ABI3BP: variants seen among roughly 807,000 people sequenced by gnomAD.
ABI3BP encodes the protein ABI family member 3 binding protein, also known as target of Nesh-SH3.
A neutral mutation model predicts 268.6 loss-of-function variants in ABI3BP; 216 were observed. The observed-to-expected ratio is 0.80, with a 90% CI of 0.72 to 0.90. ABI3BP has a LOEUF of 0.90. ABI3BP is among the 40% of genes least tolerant of loss of function. ABI3BP has a pLI of 0.00. For synonymous variants in ABI3BP, 730 were observed against 730.0 expected (o/e 1.00, Z 0.00); for missense variants, 2,090 against 2,182.4 (o/e 0.96, Z 0.84).
At chr3:100,772,133 T>G (rs1313180588) in intron 61 of ABI3BP, among the ~76,000 whole-genome samples, 1 of 152,160 alleles carries the variant, frequency 6.6e-6, no homozygotes, top group Non-Finnish European at 1.5e-5. Context: ...AAGACATCAT[T>G]TAGAATTTAA....
chr3:100,912,756 A>G (rs1319432382), intron 2 of ABI3BP, among the ~76,000 whole-genome samples: 1 of 152,178 alleles, frequency 6.6e-6, no homozygotes, highest in Non-Finnish European at 1.5e-5. Context: ...TATACCTGAA[A>G]AACACCCTTG....
chr3:100,849,291 C>A (rs191249570), intron 17 of ABI3BP, among the ~76,000 whole-genome samples: 7 of 147,516 alleles, frequency 4.7e-5, no homozygotes, highest in South Asian at 2.1e-4. Flanking sequence ...CGTGGCGCAA[C>A]CTTGGCTCAC....
intron 12 of ABI3BP, 40 bp downstream of exon 12, chr3:100,863,962 C>A: frequency 7.4e-7 from 1 of 1,350,776 alleles, no homozygotes; most frequent in Non-Finnish European, 1.0e-6. Context: ...CATACAATAT[C>A]CAAGGTAATA....
rs1261141913 is a variant in ABI3BP, at chr3:100,893,072, T to C, written c.461+5690A>G. On this transcript the variant is annotated intron_variant, in intron 4 of 67. Coordinates refer to ENST00000471714, the MANE Select transcript of ABI3BP (RefSeq NM_001375547.2). The stretch of plus-strand genomic sequence containing the variant: ...TAATCAGCTGACAGCATAGCTAGGA[T>C]AAAGCAGGCAAAAGAAGTTGGAAGG... Among the ~76,000 whole-genome samples the C allele has an allele frequency of 7.2e-5, 11 of 152,202 alleles. 1 individual carries two copies.
intron 2 of ABI3BP, among the ~76,000 whole-genome samples, chr3:100,920,650 T>G (rs1046687830): frequency 6.6e-6 from 1 of 152,160 alleles, no homozygotes; most frequent in Admixed American, 6.5e-5. Context: ...CTTGAACTCC[T>G]GACCTCGTGA....
rs113699720 is a variant in ABI3BP at position 100,771,057 on chromosome 3, G to A, written c.4532-105C>T. On this transcript the variant is annotated intron_variant, in intron 61 of 67. Coordinates refer to ENST00000471714, the MANE Select transcript of ABI3BP (RefSeq NM_001375547.2). ...GAGGACATTTGGTCTCATATTATAA[G>A]CGGATGGTTGAAAGCCATGATGTGG... 1.3e-5 allele frequency: 14 copies of A among 1,039,494 alleles called. 1 individual carries two copies. In the African/African-American group the frequency reaches 2.3e-4, roughly 17 times the overall value. The allele number at this position is 1,039,494 out of a possible 1,614,324, so 64.4% of individuals were successfully genotyped here. A position where few individuals can be genotyped will look rare whatever the true frequency, so the allele number is the denominator to read the frequency against.
intron 57 of ABI3BP, among the ~76,000 whole-genome samples, chr3:100,787,415 A>G (rs577533258): frequency 1.4e-4 from 21 of 152,154 alleles, no homozygotes; most frequent in Non-Finnish European, 2.6e-4. Flanking sequence ...TAGAAAAAGC[A>G]TTTTGAAATT....
chr3:100,871,503 G>A (rs562268053), intron 9 of ABI3BP, among the ~76,000 whole-genome samples: 11 of 152,258 alleles, frequency 7.2e-5, no homozygotes, highest in African/African-American at 2.4e-4. Flanking sequence ...GGGCCTGGTG[G>A]GAGGTGATTG....
chr3:100,838,643 C>T (rs2098643302), intron 24 of ABI3BP, among the ~76,000 whole-genome samples, 179 bp from the exon 25 acceptor site: 1 of 151,870 alleles, frequency 6.6e-6, no homozygotes, highest in South Asian at 2.1e-4. Context: ...TTAGTTTTTC[C>T]AGAAAGGAAA....
intron 56 of ABI3BP, among the ~76,000 whole-genome samples, chr3:100,788,896 A>G (rs1464019956): frequency 1.3e-5 from 2 of 152,126 alleles, no homozygotes; most frequent in African/African-American, 4.8e-5. Flanking sequence ...TACATGAACT[A>G]GATCAACCCC....
At chr3:100,950,416 T>C (rs2074428808) in intron 1 of ABI3BP, among the ~76,000 whole-genome samples, 1 of 152,126 alleles carries the variant, frequency 6.6e-6, no homozygotes, top group Non-Finnish European at 1.5e-5. Context: ...AAATTCTACA[T>C]AGAGGAGGGA....
In ABI3BP at chr3:100,749,837, C is replaced by G; in HGVS notation, c.*658G>C. On this transcript the variant is annotated 3_prime_UTR_variant, in exon 68 of 68. Coordinates refer to ENST00000471714, the MANE Select transcript of ABI3BP (RefSeq NM_001375547.2). Reference sequence around the variant, plus strand: ...TCTTTTGAAACAATATATTAGACTCCATTTTTAGCTGAAATGAAATTTACT... The same window carrying G: ...TCTTTTGAAACAATATATTAGACTCGATTTTTAGCTGAAATGAAATTTACT... 2.5e-6 allele frequency: 1 copy of G among 396,822 alleles called. No individual in the cohort carries two copies. Among genetic ancestry groups the G allele is most frequent in the East Asian group, 3.6e-5 (1 of 27,924 alleles). 24.6% of individuals were successfully genotyped at this position (396,822 alleles called of 1,614,324 possible). A position where few individuals can be genotyped will look rare whatever the true frequency, so the allele number is the denominator to read the frequency against.
At chr3:100,781,925 C>G (rs763131520) in intron 57 of ABI3BP, among the ~76,000 whole-genome samples, 7 of 152,188 alleles carry the variant, frequency 4.6e-5, no homozygotes, top group African/African-American at 9.7e-5. Flanking sequence ...GGTCTCACAG[C>G]TAGGAAGCAG....
In ABI3BP at chr3:100,862,326, G is replaced by C; in HGVS notation, c.1270C>G (p.Leu424Val). Residue 424 changes from leucine to valine, a missense_variant, in exon 14 of 68, where the codon CTG (leucine) becomes GTG (valine). Leu to Val is a conservative substitution (Grantham distance 32). Coordinates refer to ENST00000471714, the MANE Select transcript of ABI3BP (RefSeq NM_001375547.2). ...ATTTAATTACCAGTTTGAGGCTGCA[G>C]AACTTTGGAATCTTCAGATATTTTA... ...TAKISEDSKVLQPQTATYDVF... is the reference protein window; with the variant it reads ...TAKISEDSKVVQPQTATYDVF... 1 of 1,601,970 alleles carries C rather than the reference G, an allele frequency of 6.2e-7. No individual in the cohort carries two copies. Among genetic ancestry groups the C allele is most frequent in the Non-Finnish European group, 8.5e-7 (1 of 1,174,502 alleles).
At chr3:100,942,585 A>G (rs1364812280) in intron 1 of ABI3BP, among the ~76,000 whole-genome samples, 1 of 152,090 alleles carries the variant, frequency 6.6e-6, no homozygotes, top group Non-Finnish European at 1.5e-5. Context: ...ATGAAAATTC[A>G]TGGAGATGAT....
chr3:100,755,846 G>A (rs2149352705), intron 63 of ABI3BP, among the ~76,000 whole-genome samples: 1 of 152,292 alleles, frequency 6.6e-6, no homozygotes, highest in South Asian at 2.1e-4. Flanking sequence ...AGGCTTTTGG[G>A]AGATAAATTT....
At chr3:100,806,316 C>A (rs2097705072) in intron 50 of ABI3BP, among the ~76,000 whole-genome samples, 1 of 152,024 alleles carries the variant, frequency 6.6e-6, no homozygotes, top group African/African-American at 2.4e-5. Flanking sequence ...GTATTGGTAT[C>A]ATGCATATAA....
At chr3:100,857,808 G>A (rs1560902848) in intron 14 of ABI3BP, among the ~76,000 whole-genome samples, 1 of 152,166 alleles carries the variant, frequency 6.6e-6, no homozygotes, top group Non-Finnish European at 1.5e-5. Flanking sequence ...AATTCTGCCA[G>A]TTTCTAGGGA....
chr3:100,926,594 CTACTTTGCTACTCAG>C, intron 1 of ABI3BP, 113 bp from the exon 2 acceptor site: 2 of 952,612 alleles, frequency 2.1e-6, no homozygotes, highest in Non-Finnish European at 3.2e-6. Context: ...AACATGTTGT[CTACTTTGCTACTCAG>C]TATTACAGCA....
Sources: gnomAD v4.1 joint callset for allele counts (sites outside exome capture counted in the v4.1 genomes callset) on GRCh38, gnomAD v4.1.1 for gene constraint, MANE v1.5 for transcripts, NCBI Gene and HGNC (gene_info 2026-07-23, HGNC 2026-07-21) for gene names.